Variants in SERPINI1 observed in about 807,000 individuals in gnomAD.
The protein encoded by SERPINI1 is serpin family I member 1.
SERPINI1 carries 19 observed loss-of-function variants against 41.1 expected under a neutral mutation model. The observed-to-expected ratio is 0.46, with a 90% confidence interval of 0.32 to 0.68. SERPINI1 has a LOEUF of 0.68. SERPINI1 is among the 30% of genes least tolerant of loss of function. The pLI, the probability that SERPINI1 is intolerant of heterozygous loss-of-function variation, is 0.03. For missense variants in SERPINI1, 460 were observed against 479.2 expected (o/e 0.96, Z 0.37); for synonymous variants, 138 against 156.6 (o/e 0.88, Z 0.89).
intron 5 of SERPINI1, among the ~76,000 whole-genome samples, chr3:167,801,766 G>T (rs930325724): frequency 2.0e-5 from 3 of 152,094 alleles, no homozygotes; most frequent in Non-Finnish European, 2.9e-5. Flanking sequence ...TAAGAGGAAA[G>T]AAATAATAAA....
chr3:167,768,712 G>A lies in SERPINI1; in HGVS notation c.-18-20399G>A, dbSNP rs899125053. ...AGATGGCTTATGGAATTTCTCTAACGTATTATGCACATCCCTGAAGATCCT... is the reference window on the plus strand; with the variant it reads ...AGATGGCTTATGGAATTTCTCTAACATATTATGCACATCCCTGAAGATCCT... On this transcript the variant is annotated intron_variant, in intron 1 of 8. Transcript: ENST00000446050. Among the ~76,000 whole-genome samples the A allele has an allele frequency of 3.9e-5, 6 of 152,114 alleles. 1 individual carries two copies. The highest frequency in any genetic ancestry group is 2.6e-4 in the Admixed American group (4 of 15,270).
At chr3:167,780,650 T>A (rs529126559) in intron 1 of SERPINI1, among the ~76,000 whole-genome samples, 1,608 of 152,338 alleles carry the variant, frequency 0.011, 16 homozygotes, top group Non-Finnish European at 0.016. Flanking sequence ...ATTGTTATTT[T>A]ACAAGAGAAT....
intron 6 of SERPINI1, among the ~76,000 whole-genome samples, chr3:167,807,707 AGAAG>A: frequency 6.6e-6 from 1 of 152,196 alleles, no homozygotes; most frequent in African/African-American, 2.4e-5. Flanking sequence ...TAAGAAAGAA[AGAAG>A]GGAGGATAAA....
At chr3:167,777,311 T>C (rs540275420) in intron 1 of SERPINI1, among the ~76,000 whole-genome samples, 2 of 151,052 alleles carry the variant, frequency 1.3e-5, no homozygotes, top group South Asian at 4.2e-4. Context: ...TTTTTCTTTA[T>C]TGACATTATC....
chr3:167,756,125 C>A (rs992187499), intron 1 of SERPINI1, among the ~76,000 whole-genome samples: 4 of 144,818 alleles, frequency 2.8e-5, no homozygotes, highest in African/African-American at 1.0e-4. Flanking sequence ...CATGAGTAAA[C>A]AAGTTATTTA....
At chr3:167,755,431 T>G (rs1726163727) in intron 1 of SERPINI1, among the ~76,000 whole-genome samples, 1 of 152,158 alleles carries the variant, frequency 6.6e-6, no homozygotes, top group East Asian at 1.9e-4. Context: ...AAGTTCTTGT[T>G]TCAAGGAAAT....
chr3:167,739,112 T>C (rs915181628), intron 1 of SERPINI1, among the ~76,000 whole-genome samples: 2 of 131,602 alleles, frequency 1.5e-5, no homozygotes, highest in African/African-American at 2.9e-5. Context: ...TTGTTGTTTC[T>C]TTTTTTTTTT....
rs1394836034 is a variant in SERPINI1 at position 167,825,126 on chromosome 3, A to G, written c.1157-121A>G. On this transcript the variant is annotated intron_variant, in intron 8 of 8. Coordinates refer to ENST00000446050, the MANE Select transcript of SERPINI1 (RefSeq NM_001122752.2). ...GAGGAAGGAAGGAAGGACAGGAGGA[A>G]GGAAGGAAGGAAGGAAGGAAGGAGA... 4.1e-6 allele frequency: 3 copies of G among 735,950 alleles called. 1 individual carries two copies. Among genetic ancestry groups the G allele is most frequent in the African/African-American group, 4.0e-5 (2 of 49,444 alleles). 45.6% of individuals were successfully genotyped at this position (735,950 alleles called of 1,614,324 possible).
chr3:167,739,383 A>G (rs1475193949), intron 1 of SERPINI1, among the ~76,000 whole-genome samples: 1 of 152,170 alleles, frequency 6.6e-6, no homozygotes, highest in Non-Finnish European at 1.5e-5. Flanking sequence ...GACCTCACAG[A>G]ATGATTGCTT....
rs145248786 is a variant in SERPINI1 at position 167,749,388 on chromosome 3, C to T, written c.-19+13565C>T. On this transcript the variant is annotated intron_variant, in intron 1 of 8. Transcript: ENST00000446050. ...TTAAAACATAATGTTCAGCTAGCTGCCTGGCATGAATAATCCATCACTGAG... is the reference window on the plus strand; with the variant it reads ...TTAAAACATAATGTTCAGCTAGCTGTCTGGCATGAATAATCCATCACTGAG... 5.3e-3 allele frequency among the ~76,000 whole-genome samples: 812 copies of T among 152,176 alleles called. 6 individuals carry two copies. Among genetic ancestry groups the T allele is most frequent in the South Asian group, 0.037 (181 of 4,828 alleles).
At chr3:167,741,437 C>T (rs1367475091) in intron 1 of SERPINI1, among the ~76,000 whole-genome samples, 1 of 152,122 alleles carries the variant, frequency 6.6e-6, no homozygotes, top group East Asian at 1.9e-4. Flanking sequence ...CTTGAACAGA[C>T]CCCAAAGAGC....
rs1727462035 is a variant in SERPINI1 at position 167,790,382 on chromosome 3, T to G, written c.261T>G (p.Phe87Leu). The change falls in exon 3 of 9, where the codon TTT becomes TTG. Residue 87 changes from phenylalanine to leucine, a missense_variant. Phe to Leu is a conservative substitution (Grantham distance 22). Transcript: ENST00000446050. Reference protein sequence around the residue: ...GYDSLKNGEEFSFLKEFSNMV... With the variant: ...GYDSLKNGEELSFLKEFSNMV... ...TTTCTCATCTTTCAGGTGAAGAATT[T>G]TCTTTCTTGAAGGAGTTTTCAAACA... 6.2e-7 allele frequency: 1 copy of G among 1,610,082 alleles called. No homozygotes were observed. Among genetic ancestry groups the G allele is most frequent in the Non-Finnish European group, 8.5e-7 (1 of 1,176,426 alleles).
chr3:167,772,881 TATATATATATATACACACACACACACAC>T (rs1419432880), intron 1 of SERPINI1, among the ~76,000 whole-genome samples: 35 of 68,712 alleles, frequency 5.1e-4, no homozygotes, highest in African/African-American at 2.0e-3. Flanking sequence ...TATATATATA[TATATATATATATACACACACACACACAC>T]ACACACACAC....
intron 1 of SERPINI1, among the ~76,000 whole-genome samples, chr3:167,749,136 AT>A (rs1337810431): frequency 2.6e-4 from 40 of 152,210 alleles, no homozygotes; most frequent in Non-Finnish European, 8.8e-5. Context: ...TTTTGAAATT[AT>A]CCCCTTGCTT....
intron 1 of SERPINI1, among the ~76,000 whole-genome samples, chr3:167,744,685 TATAAAC>T (rs1725796210): frequency 1.2e-5 from 1 of 81,644 alleles, no homozygotes; most frequent in African/African-American, 8.4e-5. Context: ...TAAATATATA[TATAAAC>T]ATATATAAAT....
At chr3:167,757,284 GGT>G (rs1250406367) in intron 1 of SERPINI1, among the ~76,000 whole-genome samples, 2 of 152,054 alleles carry the variant, frequency 1.3e-5, no homozygotes, top group African/African-American at 4.8e-5. Flanking sequence ...TTATATCCGT[GGT>G]GTTTGTGCAG....
At chr3:167,759,554 A>G (rs149863879) in intron 1 of SERPINI1, among the ~76,000 whole-genome samples, 279 of 152,154 alleles carry the variant, frequency 1.8e-3, no homozygotes, top group Non-Finnish European at 3.4e-3. Flanking sequence ...ATTCTCACTT[A>G]TAAGTCAGAG....
intron 1 of SERPINI1, among the ~76,000 whole-genome samples, chr3:167,760,969 A>C (rs1383615369): frequency 1.3e-5 from 2 of 152,196 alleles, no homozygotes; most frequent in Non-Finnish European, 2.9e-5. Flanking sequence ...CTGTATTTGA[A>C]CAAGATTTAA....
chr3:167,746,696 C>A (rs933839254), intron 1 of SERPINI1, among the ~76,000 whole-genome samples: 4 of 152,202 alleles, frequency 2.6e-5, no homozygotes, highest in African/African-American at 9.7e-5. Context: ...ATCAAAACCA[C>A]AGTGAGCTAC....
Sources: allele counts gnomAD v4.1 joint callset (sites outside exome capture counted in the v4.1 genomes callset), GRCh38; gene constraint gnomAD v4.1.1; transcripts MANE v1.5; gene names NCBI Gene and HGNC (gene_info 2026-07-23, HGNC 2026-07-21).